The following ZNF33B variants were observed in gnomAD, a reference collection of about 807,000 sequenced individuals.
ZNF33B encodes zinc finger protein 33B.
A neutral mutation model predicts 45.8 loss-of-function variants in ZNF33B; 29 were observed. The observed-to-expected ratio is 0.63, with a 90% CI of 0.47 to 0.86. The LOEUF (loss-of-function observed/expected upper bound fraction) is 0.86. Ranked by LOEUF, ZNF33B falls within the 40% of genes least tolerant of loss-of-function variation. The pLI is 0.00. For synonymous variants in ZNF33B, 305 were observed against 307.8 expected (o/e 0.99, Z 0.10); for missense variants, 831 against 909.9 (o/e 0.91, Z 1.12).
intron 4 of ZNF33B, among the ~76,000 whole-genome samples, chr10:42,595,174 AAG>A (rs1837347183): frequency 6.6e-6 from 1 of 152,206 alleles, no homozygotes; most frequent in Non-Finnish European, 1.5e-5. Flanking sequence ...CATGCCTACA[AAG>A]AGAGTCAGCC....
chr10:42,599,191 A>G (rs1337941488), intron 4 of ZNF33B, among the ~76,000 whole-genome samples: 2 of 152,140 alleles, frequency 1.3e-5, no homozygotes, highest in East Asian at 3.9e-4. Context: ...TATTTTTGAT[A>G]TTGATAATCT....
intron 4 of ZNF33B, among the ~76,000 whole-genome samples, chr10:42,616,370 C>G (rs754317062): frequency 1.3e-5 from 2 of 152,098 alleles, no homozygotes; most frequent in African/African-American, 4.8e-5. Flanking sequence ...AAAATTGTTT[C>G]TTATATACCT....
chr10:42,598,829 G>A (rs1278210175), intron 4 of ZNF33B, among the ~76,000 whole-genome samples: 1 of 152,158 alleles, frequency 6.6e-6, no homozygotes, highest in African/African-American at 2.4e-5. Context: ...GTTCATGAAG[G>A]ACACTGGTCT....
intron 2 of ZNF33B, among the ~76,000 whole-genome samples, chr10:42,634,587 T>A (rs1839204547): frequency 6.6e-6 from 1 of 152,116 alleles, no homozygotes; most frequent in Non-Finnish European, 1.5e-5. Context: ...TTTCACCAAG[T>A]GAGGTACTGG....
intron 4 of ZNF33B, among the ~76,000 whole-genome samples, chr10:42,628,852 AC>A (rs1230469557): frequency 1.3e-5 from 2 of 152,228 alleles, no homozygotes; most frequent in African/African-American, 4.8e-5. Flanking sequence ...GTGAGCACTT[AC>A]AGAGCATGGT....
intron 1 of ZNF33B, chr10:42,583,383 G>C: frequency 2.8e-6 from 1 of 361,890 alleles, no homozygotes; most frequent in Non-Finnish European, 5.4e-6. Context: ...ATCTAGGTAA[G>C]TTTTCTGTCT....
At chr10:42,614,694 A>C (rs1838238878) in intron 4 of ZNF33B, among the ~76,000 whole-genome samples, 1 of 152,162 alleles carries the variant, frequency 6.6e-6, no homozygotes, top group Admixed American at 6.6e-5. Context: ...AGTGGCTCAC[A>C]CCTGTAATCC....
chr10:42,615,137 G>T (rs1220744424), intron 4 of ZNF33B, among the ~76,000 whole-genome samples: 1 of 152,160 alleles, frequency 6.6e-6, no homozygotes, highest in East Asian at 1.9e-4. Context: ...GTAAAGTACT[G>T]TGGCTACTAT....
chr10:42,603,825 C>A (rs954176241), intron 4 of ZNF33B, among the ~76,000 whole-genome samples: 1 of 152,190 alleles, frequency 6.6e-6, no homozygotes, highest in East Asian at 1.9e-4. Context: ...CACTGCCATG[C>A]TAAAGATAGT....
chr10:42,620,061 CA>C lies in ZNF33B; in HGVS notation c.250+11867del, dbSNP rs1838501302. ...CAAAACACCATCTCTACTAAAGACA[CA>C]AAAATTAGCTGGGTGTGGTGGCACG... is the stretch of plus-strand genomic sequence containing the variant. On this transcript the variant is annotated intron_variant, in intron 4 of 4. Coordinates refer to ENST00000359467, the MANE Select transcript of ZNF33B (RefSeq NM_006955.3). Among the ~76,000 whole-genome samples, 3 of 151,766 alleles carry C rather than the reference CA, an allele frequency of 2.0e-5. No individual in the cohort carries two copies. The South Asian group carries it at 6.2e-4, about 32-fold the overall frequency.
downstream of ZNF33B, among the ~76,000 whole-genome samples, chr10:42,588,537 T>C (rs1010189732): frequency 5.3e-5 from 8 of 152,210 alleles, no homozygotes; most frequent in South Asian, 2.1e-4. Flanking sequence ...TCTGATGCTA[T>C]AGAAAGGTTG....
intron 1 of ZNF33B, chr10:42,582,702 T>G (rs1836850017): frequency 6.1e-6 from 1 of 163,142 alleles, no homozygotes; most frequent in Non-Finnish European, 1.3e-5. Flanking sequence ...CGGATAAAAC[T>G]TGAATCTTCT....
downstream of ZNF33B, among the ~76,000 whole-genome samples, chr10:42,588,710 T>C (rs927343796): frequency 6.6e-6 from 1 of 152,146 alleles, no homozygotes; most frequent in African/African-American, 2.4e-5. Flanking sequence ...AGCTGTACTA[T>C]CCAGAGAGTA....
chr10:42,625,014 A>T (rs210287), intron 4 of ZNF33B, among the ~76,000 whole-genome samples: 45,704 of 147,674 alleles, frequency 0.31, 8,129 homozygotes, highest in East Asian at 0.46. Context: ...TCTGAGAAAA[A>T]ATTTCTCAAA....
intron 4 of ZNF33B, among the ~76,000 whole-genome samples, chr10:42,627,844 T>C (rs1203363679): frequency 2.6e-5 from 4 of 152,248 alleles, no homozygotes; most frequent in Admixed American, 1.3e-4. Context: ...ATTGTCATTC[T>C]ATTACTGATT....
Position 42,578,173 on chromosome 10 carries a change from G to A in ZNF33B, c.74-3495C>T, listed in dbSNP as rs139513849. Among the ~76,000 whole-genome samples the A allele has an allele frequency of 1.7e-3, 252 of 152,328 alleles. 1 individual carries two copies. The highest frequency in any genetic ancestry group is 6.0e-3 in the African/African-American group (248 of 41,586). On this transcript the variant is annotated intron_variant, in intron 1 of 1. Transcript: ENST00000462075. ...ACCCTGCAGAGCCTCAAGCCAGGCT[G>A]AGCACAGGCCCACGCCTCCCAGAAA...
At chr10:42,635,239 CAAA>C (rs71533034) in intron 2 of ZNF33B, among the ~76,000 whole-genome samples, 6 of 99,348 alleles carry the variant, frequency 6.0e-5, no homozygotes, top group Admixed American at 1.1e-4. Flanking sequence ...AGACATTCTC[CAAA>C]AAAAAAAAAA....
At chr10:42,588,408 C>A (rs531961335), downstream of ZNF33B, among the ~76,000 whole-genome samples, 1 of 152,330 alleles carries the variant, frequency 6.6e-6, no homozygotes, top group South Asian at 2.1e-4. Context: ...TGTCAGTTAG[C>A]CAAGAGCAGT....
rs977857473 is a variant in ZNF33B, at chr10:42,590,673, T to G, written c.*1940A>C. On this transcript the variant is annotated 3_prime_UTR_variant, in exon 5 of 5. Transcript: ENST00000359467. ...TTTATGAGCTTTGAGAGAATGCATCTTGCAAGGAATTGATCCATTTTAGCT... is the reference window on the plus strand; with the variant it reads ...TTTATGAGCTTTGAGAGAATGCATCGTGCAAGGAATTGATCCATTTTAGCT... The G allele has an allele frequency of 7.2e-5, 11 of 152,230 alleles. No individual in the cohort carries two copies. The highest frequency in any genetic ancestry group is 2.7e-4 in the African/African-American group (11 of 41,460). 9.4% of individuals were successfully genotyped at this position (152,230 alleles called of 1,614,324 possible).
Sources: allele counts gnomAD v4.1 joint callset (sites outside exome capture counted in the v4.1 genomes callset), GRCh38; gene constraint gnomAD v4.1.1; transcripts MANE v1.5; gene names NCBI Gene and HGNC (gene_info 2026-07-23, HGNC 2026-07-21).